Variants in VPS45 observed in about 807,000 individuals in gnomAD.
The protein encoded by VPS45 is vacuolar protein sorting-associated protein 45.
VPS45 carries 35 observed loss-of-function variants against 75.9 expected under a neutral mutation model. That is an observed-to-expected ratio of 0.46 (90% CI 0.35 to 0.61). The LOEUF is 0.61. Among genes scored for constraint, VPS45 ranks in the 20% least tolerant of loss-of-function variants. The pLI, the probability that VPS45 is intolerant of heterozygous loss-of-function variation, is 0.00. For synonymous variants in VPS45, 220 were observed against 238.2 expected (o/e 0.92, Z 0.70); for missense variants, 559 against 685.9 (o/e 0.81, Z 2.07).
intron 13 of VPS45, chr1:150,110,278 G>T (rs782569558): frequency 2.3e-6 from 1 of 430,388 alleles, no homozygotes; most frequent in Non-Finnish European, 4.2e-6. Context: ...TAAGACATCC[G>T]CTCATAAACA....
chr1:150,079,869 G>T (rs1655600405), intron 7 of VPS45, among the ~76,000 whole-genome samples: 1 of 152,138 alleles, frequency 6.6e-6, no homozygotes, highest in Non-Finnish European at 1.5e-5. Flanking sequence ...GTTCACCAAA[G>T]AAACTTTTGA....
Position 150,077,747 on chromosome 1 carries a change from T to C in VPS45, c.655T>C (p.Cys219Arg). Residue 219 changes from cysteine (C) to arginine (R), a missense_variant, in exon 7 of 15, where the codon TGT becomes CGT. By Grantham distance (180) the Cys-to-Arg change is radical (BLOSUM62 -3). Transcript: ENST00000644510. ...VPPLLLILDR[C>R]DDAITPLLNQ... ...TCCATTGCTCCTTATTTTAGATCGC[T>C]GTGATGATGCCATCACCCCATTGCT... 6.2e-7 allele frequency: 1 copy of C among 1,614,042 alleles called. No homozygotes were observed. Among genetic ancestry groups the C allele is most frequent in the Non-Finnish European group, 8.5e-7 (1 of 1,179,940 alleles).
chr1:150,082,748 A>G lies in VPS45; in HGVS notation c.969A>G (p.Lys323=). ...TTGAGAATTATCCACAGTTCAAGAA[A>G]ATGTCTGGGACTGTTTCAAAGCATG... is the stretch of plus-strand genomic sequence containing the variant. ...AFVENYPQFK[K]MSGTVSKHVT... is the part of the protein sequence containing the mutation. Residue 323 remains lysine, a synonymous_variant, in exon 10 of 15, where the codon AAA becomes AAG. Coordinates refer to ENST00000644510, the MANE Select transcript of VPS45 (RefSeq NM_007259.5). 1 of 1,613,566 alleles carries G rather than the reference A, an allele frequency of 6.2e-7. No individual in the cohort carries two copies.
At chr1:150,069,379 A>G (rs1482178970) in intron 2 of VPS45, among the ~76,000 whole-genome samples, 1 of 148,736 alleles carries the variant, frequency 6.7e-6, no homozygotes, top group East Asian at 2.0e-4. Flanking sequence ...GCCATTTGTC[A>G]CTTTTTATCC....
At position 150,077,713 on chromosome 1, in the gene VPS45, A is replaced by G. The variant is rs1655474952; in HGVS notation, c.621A>G (p.Thr207=). ...ATGAACTGTTTGAATTCCGTCGGAC[A>G]GAGGTTCCTCCATTGCTCCTTATTT... The part of the protein sequence containing the change: ...KEYELFEFRR[T]EVPPLLLILD... Residue 207 remains threonine (T), a synonymous_variant, in exon 7 of 15, where the codon ACA becomes ACG. Coordinates refer to ENST00000644510, the MANE Select transcript of VPS45 (RefSeq NM_007259.5). 3 of 1,614,154 alleles carry G rather than the reference A, an allele frequency of 1.9e-6. No homozygotes were observed. The highest frequency in any genetic ancestry group is 2.5e-6 in the Non-Finnish European group (3 of 1,179,996).
chr1:150,104,042 CA>C (rs1207221124), intron 13 of VPS45, among the ~76,000 whole-genome samples: 3 of 152,026 alleles, frequency 2.0e-5, no homozygotes, highest in Non-Finnish European at 4.4e-5. Flanking sequence ...CTACATTTTT[CA>C]TGTTTTTTGG....
At chr1:150,140,194 G>A (rs978216351) in intron 14 of VPS45, among the ~76,000 whole-genome samples, 3 of 152,150 alleles carry the variant, frequency 2.0e-5, no homozygotes, top group Admixed American at 6.5e-5. Flanking sequence ...GTGAGCCACC[G>A]CACCCAGCCC....
Position 150,082,753 on chromosome 1 carries a change from CTG to C in VPS45, c.975_976del (p.Gly326AspfsTer18). 6.2e-7 allele frequency: 1 copy of C among 1,614,018 alleles called. No individual in the cohort carries two copies. Among genetic ancestry groups the C allele is most frequent in the South Asian group, 1.1e-5 (1 of 91,052 alleles). ...AATTATCCACAGTTCAAGAAAATGT[CTG>C]GGACTGTTTCAAAGCATGTGACAGT... On this transcript the variant is annotated frameshift_variant, in exon 10 of 15. Coordinates refer to ENST00000644510, the MANE Select transcript of VPS45 (RefSeq NM_007259.5). LOFTEE classifies it high-confidence loss of function.
rs868911478 is a variant in VPS45, at chr1:150,070,652, C to A, written c.229-1514C>A. Among the ~76,000 whole-genome samples the A allele has an allele frequency of 5.3e-3, 715 of 134,478 alleles. 11 individuals carry two copies. The highest frequency in any genetic ancestry group is 0.053 in the Middle Eastern group (14 of 264). The allele number at this position is 134,478 out of a possible 152,430, so 88.2% of individuals were successfully genotyped here. On this transcript the variant is annotated intron_variant, in intron 2 of 14. Coordinates refer to ENST00000644510, the MANE Select transcript of VPS45 (RefSeq NM_007259.5). ...CTAAAAATACAAAAAAAAAAAACAA[C>A]AAAAAAATTAGCCAGGCATGGTGGC...
chr1:150,112,583 C>T (rs1426765617), intron 14 of VPS45, among the ~76,000 whole-genome samples: 1 of 152,118 alleles, frequency 6.6e-6, no homozygotes, highest in Non-Finnish European at 1.5e-5. Context: ...TCTTTCCCAA[C>T]ACCATTTTTC....
intron 14 of VPS45, among the ~76,000 whole-genome samples, chr1:150,131,152 G>T (rs1201714219): frequency 6.6e-6 from 1 of 152,118 alleles, no homozygotes; most frequent in Non-Finnish European, 1.5e-5. Context: ...ACACATAATA[G>T]TGTGTTTATA....
chr1:150,136,771 T>TAAAA (rs59528326), intron 14 of VPS45, among the ~76,000 whole-genome samples: 3 of 121,796 alleles, frequency 2.5e-5, no homozygotes, highest in African/African-American at 9.4e-5. Flanking sequence ...GAGCAAGATT[T>TAAAA]AAAAAAAAAA....
chr1:150,117,878 G>A (rs1658024048), intron 14 of VPS45, among the ~76,000 whole-genome samples: 2 of 151,254 alleles, frequency 1.3e-5, no homozygotes, highest in Non-Finnish European at 3.0e-5. Context: ...AATATAAGTT[G>A]GATTTAGATA....
intron 13 of VPS45, chr1:150,098,919 T>C: frequency 1.6e-6 from 2 of 1,236,900 alleles, no homozygotes; most frequent in Non-Finnish European, 2.1e-6. Flanking sequence ...TATATGATCA[T>C]GCATTCCAGA....
intron 14 of VPS45, among the ~76,000 whole-genome samples, chr1:150,129,748 TC>T (rs1253692726): frequency 1.1e-4 from 16 of 151,894 alleles, no homozygotes; most frequent in Non-Finnish European, 1.9e-4. Context: ...GAGACAGATT[TC>T]ACCATGTTGG....
In VPS45 at chr1:150,089,482, T is replaced by C. The variant is rs183605015; in HGVS notation, c.1105-2455T>C. Among the ~76,000 whole-genome samples the C allele has an allele frequency of 2.3e-3, 355 of 152,018 alleles. 1 individual carries two copies. Among genetic ancestry groups the C allele is most frequent in the African/African-American group, 8.0e-3 (330 of 41,468 alleles). On this transcript the variant is annotated intron_variant, in intron 10 of 14. Transcript: ENST00000644510. The stretch of plus-strand genomic sequence containing the variant: ...TTCAAGCAATTCTCCTGCCTCAGCC[T>C]CTTGAGTAGCTGAGACTACAGGCAC...
chr1:150,114,558 A>G (rs1218041923), intron 14 of VPS45, among the ~76,000 whole-genome samples: 2 of 144,562 alleles, frequency 1.4e-5, no homozygotes, highest in African/African-American at 5.2e-5. Flanking sequence ...AAACCTGAGC[A>G]ATATAGAGTG....
intron 1 of VPS45, 149 bp from the exon 2 acceptor site, chr1:150,068,481 C>A: frequency 1.6e-6 from 1 of 640,616 alleles, no homozygotes. Context: ...TCGTATGTTA[C>A]CTACCTGTTT....
At chr1:150,111,252 T>C (rs184581876) in intron 14 of VPS45, among the ~76,000 whole-genome samples, 69 of 152,294 alleles carry the variant, frequency 4.5e-4, no homozygotes, top group Admixed American at 1.2e-3. Context: ...GAAGATAGTA[T>C]ATTAGCTGAG....
Sources: gnomAD v4.1 joint callset for allele counts (sites outside exome capture counted in the v4.1 genomes callset) on GRCh38, gnomAD v4.1.1 for gene constraint, MANE v1.5 for transcripts, NCBI Gene and HGNC (gene_info 2026-07-23, HGNC 2026-07-21) for gene names.